Variants in FMN1 observed in about 807,000 individuals in gnomAD.
FMN1 encodes formin-1.
In FMN1, 110 loss-of-function variants were observed where a neutral mutation model predicts 132.4. The observed-to-expected ratio is 0.83, with a 90% confidence interval of 0.71 to 0.97. The LOEUF is 0.97. Ranked by LOEUF, FMN1 falls within the 50% of genes least tolerant of loss-of-function variation. The probability of loss-of-function intolerance (pLI) is 0.00; values close to 1 mark genes in which losing one functional copy is unlikely to be tolerated. For missense variants in FMN1, 1,792 were observed against 1,705.3 expected, an observed-to-expected ratio of 1.05 and a Z score of -0.90; for synonymous variants, 722 against 651.7, an observed-to-expected ratio of 1.11 and a Z score of -1.64.
intron 6 of FMN1, among the ~76,000 whole-genome samples, chr15:33,051,184 C>T (rs1479688789): frequency 6.6e-6 from 1 of 152,088 alleles, no homozygotes. Context: ...TATGATCATT[C>T]CAGGGTATGT....
At chr15:32,816,438 A>C (rs774266749) in intron 17 of FMN1, among the ~76,000 whole-genome samples, 5 of 152,158 alleles carry the variant, frequency 3.3e-5, no homozygotes, top group Non-Finnish European at 7.4e-5. Context: ...TATGGTTGCT[A>C]TTTCTGCCTC....
chr15:32,939,786 T>G (rs1354966063), intron 9 of FMN1, among the ~76,000 whole-genome samples: 1 of 152,202 alleles, frequency 6.6e-6, no homozygotes, highest in Non-Finnish European at 1.5e-5. Flanking sequence ...ATCTATATAT[T>G]TATTTACTGA....
At chr15:32,820,500 C>CCT in intron 17 of FMN1, among the ~76,000 whole-genome samples, 1 of 151,470 alleles carries the variant, frequency 6.6e-6, no homozygotes, top group Non-Finnish European at 1.5e-5. Context: ...TGCATCACAC[C>CCT]CTCTGTCTCC....
rs2056203613 is a variant in FMN1 at position 32,770,686 on chromosome 15, T to TA, written c.*3623dup. The TA allele has an allele frequency of 6.6e-6, 1 of 152,190 alleles. No homozygotes were observed. The highest frequency in any genetic ancestry group is 1.5e-5 in the Non-Finnish European group (1 of 68,042). 9.4% of individuals were successfully genotyped at this position (152,190 alleles called of 1,614,324 possible). On this transcript the variant is annotated 3_prime_UTR_variant, in exon 21 of 21. Coordinates refer to ENST00000616417, the MANE Select transcript of FMN1 (RefSeq NM_001277313.2). ...AGGCTGAGAAGAGGTTTGCAGCTTCTACTGTCCTTGATAGGGGAGGGGAGG... is the reference window on the plus strand; with the variant it reads ...AGGCTGAGAAGAGGTTTGCAGCTTCTAACTGTCCTTGATAGGGGAGGGGAGG...
chr15:32,820,917 T>C (rs1294530699), intron 17 of FMN1, among the ~76,000 whole-genome samples: 1 of 152,132 alleles, frequency 6.6e-6, no homozygotes, highest in Admixed American at 6.5e-5. Context: ...ACTCTTCATG[T>C]CTTTTGCTGA....
intron 4 of FMN1, among the ~76,000 whole-genome samples, chr15:33,117,417 G>A (rs1254756288): frequency 6.6e-6 from 1 of 152,176 alleles, no homozygotes; most frequent in Non-Finnish European, 1.5e-5. Context: ...CAGGGGCTGA[G>A]AGATTGACAA....
intron 5 of FMN1, chr15:33,066,751 C>A (rs1046334293): frequency 1.2e-6 from 2 of 1,613,992 alleles, no homozygotes; most frequent in South Asian, 1.1e-5. Flanking sequence ...CGCTCTGGCT[C>A]TCTTGGTCAG....
At chr15:33,067,435 A>G (rs1158134741) in intron 5 of FMN1, 4 of 1,613,868 alleles carry the variant, frequency 2.5e-6, no homozygotes, top group Non-Finnish European at 3.4e-6. Flanking sequence ...CACCATCATC[A>G]GAGTCAGAAT....
intron 15 of FMN1, among the ~76,000 whole-genome samples, chr15:32,894,259 T>C (rs1254272583): frequency 6.6e-6 from 1 of 151,860 alleles, no homozygotes; most frequent in Non-Finnish European, 1.5e-5. Flanking sequence ...CCAAGGCGGG[T>C]GGATCACTTG....
chr15:32,915,257 A>G (rs1321033921), intron 10 of FMN1, among the ~76,000 whole-genome samples: 1 of 152,334 alleles, frequency 6.6e-6, no homozygotes, highest in East Asian at 1.9e-4. Context: ...TTAGGTTCCT[A>G]GAGAGCCAGA....
At chr15:32,784,530 C>G (rs1328870325) in intron 19 of FMN1, among the ~76,000 whole-genome samples, 1 of 152,082 alleles carries the variant, frequency 6.6e-6, no homozygotes, top group Non-Finnish European at 1.5e-5. Context: ...TAGAGGTAGA[C>G]AACTGATTTA....
intron 4 of FMN1, among the ~76,000 whole-genome samples, chr15:33,120,654 G>A (rs1962465305): frequency 6.6e-6 from 1 of 151,990 alleles, no homozygotes; most frequent in Admixed American, 6.5e-5. Context: ...GGTATTCCTG[G>A]ATCATTGGTG....
At chr15:32,930,869 T>C (rs2061098377) in intron 9 of FMN1, among the ~76,000 whole-genome samples, 1 of 152,228 alleles carries the variant, frequency 6.6e-6, no homozygotes, top group African/African-American at 2.4e-5. Context: ...GATTTTTGTA[T>C]ATGTTCCAAG....
chr15:32,797,506 T>C (rs1488123370), intron 19 of FMN1, among the ~76,000 whole-genome samples: 1 of 152,236 alleles, frequency 6.6e-6, no homozygotes, highest in Non-Finnish European at 1.5e-5. Flanking sequence ...AAATAAGTGA[T>C]GGCAGGGCAA....
chr15:32,906,260 C>T lies in FMN1; in HGVS notation c.3377+2230G>A, dbSNP rs552662919. Among the ~76,000 whole-genome samples the T allele has an allele frequency of 7.9e-5, 12 of 152,182 alleles. No homozygotes were observed. The South Asian group carries it at 1.7e-3, about 21-fold the overall frequency. On this transcript the variant is annotated intron_variant, in intron 12 of 20. Transcript: ENST00000616417. ...CAGCCCACAGGCCAAAACCAGGCCA[C>T]CACTTGTTTTTGTATGGCCCATGAA...
chr15:32,877,863 C>A (rs1042981282), intron 16 of FMN1, among the ~76,000 whole-genome samples: 4 of 148,274 alleles, frequency 2.7e-5, no homozygotes, highest in Non-Finnish European at 4.4e-5. Context: ...TTCCATTGTT[C>A]ATTTGCTCAT....
intron 16 of FMN1, among the ~76,000 whole-genome samples, chr15:32,884,907 G>C (rs1397991665): frequency 6.6e-6 from 1 of 152,144 alleles, no homozygotes; most frequent in Non-Finnish European, 1.5e-5. Flanking sequence ...CAGCAACACC[G>C]GCTGATTATA....
chr15:32,942,291 C>T (rs1204944931), intron 9 of FMN1, among the ~76,000 whole-genome samples: 1 of 152,056 alleles, frequency 6.6e-6, no homozygotes, highest in African/African-American at 2.4e-5. Context: ...AGAATTAAGA[C>T]AAAAATGGGA....
intron 3 of FMN1, among the ~76,000 whole-genome samples, chr15:33,165,553 G>A (rs1172410979): frequency 6.6e-6 from 1 of 152,118 alleles, no homozygotes; most frequent in East Asian, 1.9e-4. Flanking sequence ...ACCACGCCCG[G>A]CTAATTTTTT....
Sources: gnomAD v4.1 joint callset for allele counts (sites outside exome capture counted in the v4.1 genomes callset) on GRCh38, gnomAD v4.1.1 for gene constraint, MANE v1.5 for transcripts, NCBI Gene and HGNC (gene_info 2026-07-23, HGNC 2026-07-21) for gene names.